Variants in RIMS2 observed in about 807,000 individuals in gnomAD.
The protein encoded by RIMS2 is regulating synaptic membrane exocytosis protein 2.
A neutral mutation model predicts 174.4 loss-of-function variants in RIMS2; 59 were observed. That is an observed-to-expected ratio of 0.34 (90% CI 0.27 to 0.42). The LOEUF is 0.42. RIMS2 is among the 10% of genes least tolerant of loss of function. RIMS2 has a pLI of 1.00. For missense variants in RIMS2, 1,620 were observed against 1,666.3 expected (o/e 0.97, Z 0.48); for synonymous variants, 606 against 572.5 (o/e 1.06, Z -0.84).
chr8:104,237,810 A>C (rs895419414), intron 19 of RIMS2, among the ~76,000 whole-genome samples: 1 of 152,098 alleles, frequency 6.6e-6, no homozygotes, highest in African/African-American at 2.4e-5. Flanking sequence ...TTTTGTTTAG[A>C]CTTTTAGAGA....
intron 2 of RIMS2, among the ~76,000 whole-genome samples, chr8:103,740,974 A>G (rs2139334082): frequency 6.6e-6 from 1 of 152,102 alleles, no homozygotes; most frequent in African/African-American, 2.4e-5. Context: ...ACCTTTTTAT[A>G]TTTTTTCAAC....
chr8:104,127,376 C>G (rs1018400179), intron 19 of RIMS2, among the ~76,000 whole-genome samples: 2 of 152,180 alleles, frequency 1.3e-5, no homozygotes, highest in Non-Finnish European at 2.9e-5. Flanking sequence ...TCTTACCCAT[C>G]TAGGCTCAAT....
At chr8:104,017,416 A>G (rs2154554439) in intron 19 of RIMS2, among the ~76,000 whole-genome samples, 1 of 152,130 alleles carries the variant, frequency 6.6e-6, no homozygotes, top group African/African-American at 2.4e-5. Context: ...TTAGTCTGTT[A>G]TATATTTAGC....
intron 3 of RIMS2, chr8:103,880,636 A>G (rs1310854333): frequency 3.8e-6 from 2 of 519,548 alleles, no homozygotes; most frequent in Non-Finnish European, 3.5e-6. Context: ...CTGTTGATGT[A>G]TTTTTGTCAA....
intron 1 of RIMS2, among the ~76,000 whole-genome samples, chr8:103,628,861 T>C (rs2095848706): frequency 1.3e-5 from 2 of 151,328 alleles, no homozygotes; most frequent in Non-Finnish European, 2.9e-5. Flanking sequence ...ACTTGCCTGC[T>C]CCAGGAAAAT....
chr8:103,528,865 A>G (rs1586853201), intron 1 of RIMS2, among the ~76,000 whole-genome samples: 2 of 152,208 alleles, frequency 1.3e-5, no homozygotes, highest in East Asian at 3.9e-4. Flanking sequence ...GGATTGACTT[A>G]GCAATGTGGG....
At chr8:103,735,072 T>G (rs77099737) in intron 2 of RIMS2, among the ~76,000 whole-genome samples, 1,580 of 152,288 alleles carry the variant, frequency 0.01, 33 homozygotes, top group African/African-American at 0.036. Context: ...ACTCAGTCTT[T>G]CCAACATTTG....
intron 19 of RIMS2, among the ~76,000 whole-genome samples, chr8:104,176,649 A>AATC (rs2098898435): frequency 6.6e-6 from 1 of 151,462 alleles, no homozygotes; most frequent in South Asian, 2.1e-4. Flanking sequence ...TGATTCATAT[A>AATC]ATTATATATG....
chr8:104,165,023 A>G (rs1242283152), intron 19 of RIMS2, among the ~76,000 whole-genome samples: 1 of 152,226 alleles, frequency 6.6e-6, no homozygotes, highest in Non-Finnish European at 1.5e-5. Flanking sequence ...TATATGTTTG[A>G]AAGTTCACTT....
At chr8:104,015,239 CTTTA>C (rs2095867259) in intron 19 of RIMS2, among the ~76,000 whole-genome samples, 1 of 152,026 alleles carries the variant, frequency 6.6e-6, no homozygotes, top group Non-Finnish European at 1.5e-5. Flanking sequence ...TAAATGATCC[CTTTA>C]TTTAGTAACT....
intron 16 of RIMS2, among the ~76,000 whole-genome samples, chr8:103,981,574 G>A (rs2093908336): frequency 6.6e-6 from 1 of 152,152 alleles, no homozygotes. Context: ...TTGAGAAACA[G>A]ATGTGACCTT....
intron 1 of RIMS2, among the ~76,000 whole-genome samples, chr8:103,598,624 G>T (rs2094566297): frequency 1.3e-5 from 2 of 152,096 alleles, no homozygotes; most frequent in African/African-American, 4.8e-5. Context: ...ACTCTGTCCT[G>T]GCGAAGGACA....
chr8:103,547,463 A>C (rs1403694077), intron 1 of RIMS2, among the ~76,000 whole-genome samples: 1 of 152,236 alleles, frequency 6.6e-6, no homozygotes, highest in African/African-American at 2.4e-5. Flanking sequence ...GAAACTAATA[A>C]GAACAATGAT....
At position 103,858,758 on chromosome 8, in the gene RIMS2, C is replaced by T. The variant is rs919462292; in HGVS notation, c.699-26540C>T. 4.4e-5 allele frequency among the ~76,000 whole-genome samples: 6 copies of T among 136,424 alleles called. No homozygotes were observed. The South Asian group carries it at 9.6e-4, about 22-fold the overall frequency. The allele number at this position is 136,424 out of a possible 152,430, so 89.5% of individuals were successfully genotyped here. ...ACACACACACACACACACACACACA[C>T]ATATATGGGATTATAATATACAACA... On this transcript the variant is annotated intron_variant, in intron 3 of 23. Transcript: ENST00000504942.
At chr8:103,539,283 A>G (rs533672694) in intron 1 of RIMS2, among the ~76,000 whole-genome samples, 1 of 152,338 alleles carries the variant, frequency 6.6e-6, no homozygotes, top group Non-Finnish European at 1.5e-5. Context: ...AAAAATGTCC[A>G]AACACTTCTG....
intron 17 of RIMS2, among the ~76,000 whole-genome samples, chr8:103,999,986 C>A (rs1206592731): frequency 1.3e-5 from 2 of 151,564 alleles, no homozygotes; most frequent in Non-Finnish European, 3.0e-5. Flanking sequence ...AGCAAGTTAT[C>A]AAATATCTAA....
In RIMS2 at chr8:103,869,386, G is replaced by A. The variant is rs185996898; in HGVS notation, c.699-15912G>A. ...AATTTTTTTATTTTTAGTAAGAGACGGGGTTTCACCATGTTGGTTAAATTA... is the reference window on the plus strand; with the variant it reads ...AATTTTTTTATTTTTAGTAAGAGACAGGGTTTCACCATGTTGGTTAAATTA... On this transcript the variant is annotated intron_variant, in intron 3 of 23. Transcript: ENST00000504942. 6.2e-3 allele frequency among the ~76,000 whole-genome samples: 929 copies of A among 149,958 alleles called. 12 individuals carry two copies. The highest frequency in any genetic ancestry group is 0.022 in the African/African-American group (879 of 40,750).
chr8:103,921,509 A>G (rs759376755), intron 9 of RIMS2, among the ~76,000 whole-genome samples, 163 bp from the exon 13 acceptor site: 2 of 152,212 alleles, frequency 1.3e-5, no homozygotes, highest in African/African-American at 2.4e-5. Flanking sequence ...CTTCCAAAAA[A>G]ACCCTTTAAG....
intron 1 of RIMS2, among the ~76,000 whole-genome samples, chr8:103,532,532 T>C (rs1436349531): frequency 6.6e-6 from 1 of 152,240 alleles, no homozygotes; most frequent in Non-Finnish European, 1.5e-5. Flanking sequence ...TTTAAATGCT[T>C]TTAAAAAGTC....
Sources: allele counts gnomAD v4.1 joint callset (sites outside exome capture counted in the v4.1 genomes callset), GRCh38; gene constraint gnomAD v4.1.1; transcripts MANE v1.5; gene names NCBI Gene and HGNC (gene_info 2026-07-23, HGNC 2026-07-21).